MTMR3: variants seen among roughly 807,000 people sequenced by gnomAD.
The protein encoded by MTMR3 is phosphatidylinositol-3,5-bisphosphate 3-phosphatase MTMR3.
MTMR3 carries 32 observed loss-of-function variants against 132.4 expected under a neutral mutation model. The observed-to-expected ratio is 0.24, with a 90% CI of 0.18 to 0.32. The LOEUF is 0.32. Among genes scored for constraint, MTMR3 ranks in the 10% least tolerant of loss-of-function variants. MTMR3 has a pLI of 1.00. For missense variants in MTMR3, 1,216 were observed against 1,489.6 expected (o/e 0.82, Z 3.02); for synonymous variants, 556 against 550.3 (o/e 1.01, Z -0.14).
At chr22:29,982,929 AAG>A (rs1491112386) in intron 5 of MTMR3, 2 of 132,960 alleles carry the variant, frequency 1.5e-5, no homozygotes, top group African/African-American at 5.9e-5. Flanking sequence ...GAACGTTTAA[AAG>A]TTTGTTTGTG....
chr22:30,019,259 C>T (rs557872738), intron 16 of MTMR3: 4 of 530,960 alleles, frequency 7.5e-6, no homozygotes, highest in Admixed American at 6.5e-5. Flanking sequence ...ATGTATGGGG[C>T]ATGGGGTTGG....
intron 1 of MTMR3, among the ~76,000 whole-genome samples, chr22:29,912,816 CTAAGTA>C (rs1348919196): frequency 2.6e-5 from 4 of 152,228 alleles, no homozygotes; most frequent in African/African-American, 9.6e-5. Flanking sequence ...TTGTGGTAAG[CTAAGTA>C]TTTGAGATGT....
chr22:29,885,821 T>TAG (rs1568989763), intron 1 of MTMR3, among the ~76,000 whole-genome samples: 1 of 152,236 alleles, frequency 6.6e-6, no homozygotes, highest in Non-Finnish European at 1.5e-5. Flanking sequence ...GTTCACACCT[T>TAG]CTTCAGTAAA....
intron 2 of MTMR3, among the ~76,000 whole-genome samples, chr22:29,960,522 A>G (rs2066289938): frequency 6.6e-6 from 1 of 152,248 alleles, no homozygotes; most frequent in Admixed American, 6.5e-5. Flanking sequence ...ATTCTCTGTA[A>G]TGAAACATTT....
chr22:29,897,020 G>A (rs1185315689), intron 1 of MTMR3, among the ~76,000 whole-genome samples: 1 of 151,498 alleles, frequency 6.6e-6, no homozygotes, highest in Non-Finnish European at 1.5e-5. Context: ...GAAAAATATG[G>A]AGAATAAGTT....
intron 2 of MTMR3, among the ~76,000 whole-genome samples, chr22:29,969,246 T>C (rs2066486042): frequency 6.6e-6 from 1 of 152,212 alleles, no homozygotes; most frequent in Non-Finnish European, 1.5e-5. Context: ...CTTACAATGC[T>C]CTTCATCAAT....
rs2067711875 is a variant in MTMR3, at chr22:30,020,278, G to C, written c.2619G>C (p.Lys873Asn). ...GATCTTGCCTTGTAAATAGTGGCAA[G>C]GACAGGCTTCCTCAGACCATGGAAC... ...HHRSCLVNSG[K>N]DRLPQTMEPS... is the part of the protein sequence containing the mutation. Residue 873 changes from lysine (K) to asparagine (N), a missense_variant, in exon 17 of 20, where the codon AAG becomes AAC. Lys to Asn is a moderately conservative substitution (Grantham distance 94). Coordinates refer to ENST00000401950, the MANE Select transcript of MTMR3 (RefSeq NM_021090.4). 1.2e-6 allele frequency: 2 copies of C among 1,614,220 alleles called. No individual in the cohort carries two copies. Among genetic ancestry groups the C allele is most frequent in the Non-Finnish European group, 1.7e-6 (2 of 1,180,052 alleles).
intron 3 of MTMR3, among the ~76,000 whole-genome samples, chr22:29,972,242 T>C (rs2066550460): frequency 6.6e-6 from 1 of 152,240 alleles, no homozygotes; most frequent in Non-Finnish European, 1.5e-5. Context: ...CAGCCAGTGC[T>C]AATGAATAAC....
intron 2 of MTMR3, among the ~76,000 whole-genome samples, chr22:29,960,978 GT>G (rs993329755): frequency 6.6e-6 from 1 of 152,132 alleles, no homozygotes; most frequent in African/African-American, 2.4e-5. Context: ...CCCTAGGAAG[GT>G]AGATTGTTAA....
At chr22:29,901,926 T>C (rs1347563449) in intron 1 of MTMR3, among the ~76,000 whole-genome samples, 2 of 152,212 alleles carry the variant, frequency 1.3e-5, no homozygotes, top group Non-Finnish European at 2.9e-5. Flanking sequence ...ATTGTATGGA[T>C]GTACAACAAC....
Position 30,022,617 on chromosome 22 carries a change from T to G in MTMR3, c.3345T>G (p.Arg1115=). ...TCCCATCTGTTTTGCAGATGACCCG[T>G]TGGCTTCCTGACCACCTGGCCGCCC... is the stretch of plus-strand genomic sequence containing the variant. The part of the protein sequence containing the change: ...QVDKQDTEMT[R]WLPDHLAAHC... The change falls in exon 19 of 20, where the codon CGT becomes CGG. Residue 1115 remains arginine (R), a synonymous_variant. Coordinates refer to ENST00000401950, the MANE Select transcript of MTMR3 (RefSeq NM_021090.4). 1 of 1,613,150 alleles carries G rather than the reference T, an allele frequency of 6.2e-7. No homozygotes were observed. Among genetic ancestry groups the G allele is most frequent in the Non-Finnish European group, 8.5e-7 (1 of 1,179,994 alleles).
chr22:29,932,073 A>G (rs2065657851), intron 1 of MTMR3, among the ~76,000 whole-genome samples: 1 of 152,352 alleles, frequency 6.6e-6, no homozygotes. Context: ...TCTGAATGCT[A>G]TTGTAATTTG....
At position 29,948,013 on chromosome 22, in the gene MTMR3, T is replaced by C. The variant is rs188970654; in HGVS notation, c.-137-9023T>C. 7.0e-4 allele frequency among the ~76,000 whole-genome samples: 107 copies of C among 152,292 alleles called. 2 individuals carry two copies. In the East Asian group the frequency reaches 0.015, roughly 21 times the overall value. ...TTATTGGAGGTTGTTGGTGTTTTCA[T>C]TGGCGTGTTTTCAAAAATATGAGTA... On this transcript the variant is annotated intron_variant, in intron 1 of 19. Coordinates refer to ENST00000401950, the MANE Select transcript of MTMR3 (RefSeq NM_021090.4).
intron 5 of MTMR3, chr22:29,986,666 T>C (rs1354206844): frequency 3.0e-5 from 26 of 853,414 alleles, no homozygotes; most frequent in Admixed American, 6.3e-5. Flanking sequence ...TTTCTTTTCT[T>C]TTTTTTTTGT....
At chr22:30,011,919 C>G (rs1488119238) in intron 12 of MTMR3, 3 of 157,434 alleles carry the variant, frequency 1.9e-5, no homozygotes, top group African/African-American at 7.3e-5. Flanking sequence ...TATTTGTATT[C>G]ATGAGTTTTT....
Position 30,029,917 on chromosome 22 carries a change from T to C in MTMR3, c.*4116T>C, listed in dbSNP as rs926544526. 2 of 152,364 alleles carry C rather than the reference T, an allele frequency of 1.3e-5. No homozygotes were observed. Among genetic ancestry groups the C allele is most frequent in the Admixed American group, 6.5e-5 (1 of 15,288 alleles). The allele number at this position is 152,364 out of a possible 1,614,324, so 9.4% of individuals were successfully genotyped here. A position where few individuals can be genotyped will look rare whatever the true frequency, so the allele number is the denominator to read the frequency against. On this transcript the variant is annotated 3_prime_UTR_variant, in exon 20 of 20. Transcript: ENST00000401950. Reference sequence around the variant, plus strand: ...GATTTCTCAAGGGCAGGACCAGATATGTGAGAGACTTCTAGTTCAGAGCTG... The same window carrying C: ...GATTTCTCAAGGGCAGGACCAGATACGTGAGAGACTTCTAGTTCAGAGCTG...
chr22:30,012,689 TC>T, intron 13 of MTMR3, 126 bp downstream of exon 13: 1 of 1,047,942 alleles, frequency 9.5e-7, no homozygotes, highest in African/African-American at 1.6e-5. Flanking sequence ...TGGTCATTGT[TC>T]CTTTATGCCA....
chr22:29,965,408 T>C (rs886087218), intron 2 of MTMR3, among the ~76,000 whole-genome samples: 4 of 152,076 alleles, frequency 2.6e-5, no homozygotes, highest in African/African-American at 9.7e-5. Flanking sequence ...CATTAAAAAA[T>C]TAGAGTAGGC....
chr22:30,021,061 C>A, intron 17 of MTMR3, 177 bp downstream of exon 17: 1 of 662,346 alleles, frequency 1.5e-6, no homozygotes, highest in Non-Finnish European at 2.5e-6. Flanking sequence ...TGGCAGCCTG[C>A]CTGTTTTCTG....
Sources: allele counts gnomAD v4.1 joint callset (sites outside exome capture counted in the v4.1 genomes callset), GRCh38; gene constraint gnomAD v4.1.1; transcripts MANE v1.5; gene names NCBI Gene and HGNC (gene_info 2026-07-23, HGNC 2026-07-21).